The following CGNL1 variants were observed in gnomAD, a reference collection of about 807,000 sequenced individuals.
CGNL1 encodes the protein cingulin-like protein 1.
CGNL1 carries 132 observed loss-of-function variants against 141.2 expected under a neutral mutation model. The observed-to-expected ratio is 0.93, with a 90% CI of 0.81 to 1.08. The LOEUF is 1.08. CGNL1 is among the 50% of genes least tolerant of loss of function. The probability of loss-of-function intolerance (pLI) is 0.00; values close to 1 mark genes in which losing one functional copy is unlikely to be tolerated. For synonymous variants in CGNL1, 690 were observed against 622.1 expected (o/e 1.11, Z -1.63); for missense variants, 1,870 against 1,588.6 (o/e 1.18, Z -3.01).
chr15:57,446,080 C>G (rs972873478), intron 4 of CGNL1, among the ~76,000 whole-genome samples: 2 of 152,148 alleles, frequency 1.3e-5, no homozygotes, highest in African/African-American at 2.4e-5. Context: ...GCAATAATCT[C>G]TAGTGTAATG....
At chr15:57,444,977 C>G (rs16953327) in intron 4 of CGNL1, among the ~76,000 whole-genome samples, 48,561 of 152,022 alleles carry the variant, frequency 0.32, 8,533 homozygotes, top group South Asian at 0.43. Flanking sequence ...AAAGCTAATG[C>G]CTGTCTAGGT....
chr15:57,449,928 T>C (rs2063301522), intron 4 of CGNL1, among the ~76,000 whole-genome samples: 1 of 152,214 alleles, frequency 6.6e-6, no homozygotes, highest in African/African-American at 2.4e-5. Context: ...TATTCCATTG[T>C]CTGATATACC....
intron 8 of CGNL1, among the ~76,000 whole-genome samples, chr15:57,490,209 C>A (rs2063839754): frequency 6.6e-6 from 1 of 152,188 alleles, no homozygotes; most frequent in Admixed American, 6.5e-5. Flanking sequence ...CCTCAGGCAA[C>A]TGCTCCAACC....
At chr15:57,516,082 C>A (rs1323563429) in intron 8 of CGNL1, among the ~76,000 whole-genome samples, 1 of 150,202 alleles carries the variant, frequency 6.7e-6, no homozygotes, top group Non-Finnish European at 1.5e-5. Context: ...TGGTGTGAAC[C>A]CAGGAGGCGG....
chr15:57,503,507 C>G (rs1163356259), intron 8 of CGNL1, among the ~76,000 whole-genome samples: 1 of 152,158 alleles, frequency 6.6e-6, no homozygotes, highest in East Asian at 1.9e-4. Flanking sequence ...GGACTGGGCC[C>G]CCTTGTGTGT....
intron 8 of CGNL1, among the ~76,000 whole-genome samples, chr15:57,486,190 A>G (rs1263190078): frequency 6.6e-6 from 1 of 152,188 alleles, no homozygotes; most frequent in African/African-American, 2.4e-5. Context: ...CACTTCTTTC[A>G]GGGATCAGCT....
chr15:57,479,432 G>A (rs1465859029), intron 8 of CGNL1, among the ~76,000 whole-genome samples: 3 of 152,214 alleles, frequency 2.0e-5, no homozygotes, highest in Admixed American at 1.3e-4. Flanking sequence ...GGGAGGCCAA[G>A]GCGGGCAGAT....
chr15:57,399,559 T>C (rs1176825172), intron 1 of CGNL1, among the ~76,000 whole-genome samples: 10 of 151,908 alleles, frequency 6.6e-5, no homozygotes, highest in Admixed American at 1.3e-4. Context: ...TTTTTTTTTT[T>C]CCTAACAAAA....
At chr15:57,524,174 C>G (rs1420369058) in intron 11 of CGNL1, among the ~76,000 whole-genome samples, 1 of 152,204 alleles carries the variant, frequency 6.6e-6, no homozygotes, top group African/African-American at 2.4e-5. Context: ...TTGTTTCTAA[C>G]TAGAATTTTA....
chr15:57,485,779 C>G (rs1212373950), intron 8 of CGNL1, among the ~76,000 whole-genome samples: 1 of 152,184 alleles, frequency 6.6e-6, no homozygotes, highest in Non-Finnish European at 1.5e-5. Context: ...TCCTCTCTCA[C>G]AATACATTTG....
intron 1 of CGNL1, among the ~76,000 whole-genome samples, chr15:57,400,162 T>C (rs2152248387): frequency 6.6e-6 from 1 of 152,088 alleles, no homozygotes; most frequent in Non-Finnish European, 1.5e-5. Context: ...CCTAGCCAAG[T>C]TTTAAATTTT....
chr15:57,467,572 A>G (rs770415028), intron 8 of CGNL1, among the ~76,000 whole-genome samples: 5 of 152,180 alleles, frequency 3.3e-5, no homozygotes, highest in African/African-American at 4.8e-5. Flanking sequence ...GACTGTAAAA[A>G]ACAAAAATAG....
intron 1 of CGNL1, among the ~76,000 whole-genome samples, chr15:57,382,149 T>C (rs2062431944): frequency 2.0e-5 from 3 of 152,240 alleles, no homozygotes; most frequent in African/African-American, 4.8e-5. Flanking sequence ...AACAAAACTT[T>C]GCTGCATAGT....
At chr15:57,479,164 C>T (rs754874989) in intron 8 of CGNL1, among the ~76,000 whole-genome samples, 15 of 152,162 alleles carry the variant, frequency 9.9e-5, no homozygotes, top group Non-Finnish European at 2.2e-4. Context: ...CATTGGCTGG[C>T]ACCTTTATCC....
intron 1 of CGNL1, among the ~76,000 whole-genome samples, chr15:57,401,801 A>T (rs2062663415): frequency 6.6e-6 from 1 of 152,016 alleles, no homozygotes; most frequent in Admixed American, 6.6e-5. Flanking sequence ...CAAAAACTTG[A>T]TTTTTTTGGA....
intron 1 of CGNL1, among the ~76,000 whole-genome samples, chr15:57,409,935 C>T (rs562103326): frequency 6.6e-5 from 10 of 152,312 alleles, no homozygotes; most frequent in Admixed American, 2.0e-4. Flanking sequence ...TCTGATGCCT[C>T]GTGTGAGGAT....
intron 8 of CGNL1, among the ~76,000 whole-genome samples, chr15:57,476,275 G>A (rs1483539862): frequency 6.6e-6 from 1 of 152,182 alleles, no homozygotes; most frequent in Non-Finnish European, 1.5e-5. Flanking sequence ...GTGGGAATTA[G>A]CAAGGTGACT....
intron 7 of CGNL1, among the ~76,000 whole-genome samples, chr15:57,454,740 A>G (rs950405738): frequency 1.3e-5 from 2 of 152,126 alleles, no homozygotes; most frequent in Admixed American, 1.3e-4. Flanking sequence ...ACCAACTGGG[A>G]TTCCTCTTTT....
At chr15:57,500,179 G>A (rs932061169) in intron 8 of CGNL1, among the ~76,000 whole-genome samples, 2 of 152,136 alleles carry the variant, frequency 1.3e-5, no homozygotes, top group Admixed American at 6.5e-5. Context: ...CTTTTCCTTT[G>A]GTGGGTGGCC....
Sources: allele counts gnomAD v4.1 joint callset (sites outside exome capture counted in the v4.1 genomes callset), GRCh38; gene constraint gnomAD v4.1.1; transcripts MANE v1.5; gene names NCBI Gene and HGNC (gene_info 2026-07-23, HGNC 2026-07-21).